GLYATL1B: variants seen among roughly 807,000 people sequenced by gnomAD.
The protein encoded by GLYATL1B is glycine-N-acyltransferase like 1B.
In GLYATL1B, 6 loss-of-function variants were observed where a neutral mutation model predicts 5.5. The observed-to-expected ratio is 1.09, with a 90% CI of 0.60 to 2.15. The LOEUF (loss-of-function observed/expected upper bound fraction) is 2.15, where lower values mean the gene tolerates loss of function less well. Ranked by LOEUF, GLYATL1B falls within the 30% of genes most tolerant of loss-of-function variation. The pLI, the probability that GLYATL1B is intolerant of heterozygous loss-of-function variation, is 0.00. For missense variants in GLYATL1B, 135 were observed against 94.1 expected (o/e 1.43, Z -1.80); for synonymous variants, 67 against 34.9 (o/e 1.92, Z -3.24).
intron 2 of GLYATL1B, among the ~76,000 whole-genome samples, chr11:59,092,578 A>G (rs531246945): frequency 1.6e-4 from 24 of 152,192 alleles, no homozygotes; most frequent in Non-Finnish European, 2.6e-4. Flanking sequence ...ACTCCTTAAC[A>G]ATACAATTTT....
At chr11:59,093,291 G>T (rs189966709) in intron 2 of GLYATL1B, among the ~76,000 whole-genome samples, 176 of 152,312 alleles carry the variant, frequency 1.2e-3, no homozygotes, top group Non-Finnish European at 2.1e-3. Flanking sequence ...ATGTATCTGA[G>T]AAGCAGGTTT....
chr11:59,089,880 T>G (rs113584647), intron 2 of GLYATL1B, among the ~76,000 whole-genome samples: 2,062 of 152,222 alleles, frequency 0.014, 38 homozygotes, highest in African/African-American at 0.047. Context: ...AGTTTTTTTG[T>G]TAATAATTAG....
At chr11:59,090,758 C>T (rs903909592) in intron 2 of GLYATL1B, among the ~76,000 whole-genome samples, 4 of 151,886 alleles carry the variant, frequency 2.6e-5, no homozygotes, top group Non-Finnish European at 4.4e-5. Flanking sequence ...TGCTTCTTTG[C>T]CAATATTTGT....
intron 2 of GLYATL1B, among the ~76,000 whole-genome samples, chr11:59,089,805 G>A (rs11602771): frequency 0.027 from 4,077 of 152,134 alleles, 81 homozygotes; most frequent in Middle Eastern, 0.054. Context: ...TTCACATGAA[G>A]CAATTTTTAA....
chr11:59,087,592 C>T (rs994534544), intron 2 of GLYATL1B, among the ~76,000 whole-genome samples: 8 of 152,248 alleles, frequency 5.3e-5, no homozygotes, highest in Non-Finnish European at 5.9e-5. Context: ...TATCTGTAAT[C>T]CCAGCACTTT....
intron 2 of GLYATL1B, among the ~76,000 whole-genome samples, chr11:59,088,834 A>G (rs1859247685): frequency 1.3e-5 from 2 of 152,350 alleles, no homozygotes; most frequent in South Asian, 2.1e-4. Flanking sequence ...GTCTGATTCC[A>G]TAGTATACCA....
rs1279649518 is a variant in GLYATL1B at position 59,093,991 on chromosome 11, A to G, written c.371A>G (p.Lys124Arg). The change falls in exon 4 of 5, where the codon AAG becomes AGG. Residue 124 changes from lysine (K) to arginine (R), a missense_variant. Transcript: ENST00000527482. ...GCAGCTGCATTTTCAAATTCAGTGA[A>G]GGTAGAGCATTCGAGAGCACTCCTC... Reference protein sequence around the residue: ...IRAAAFSNSVKVEHSRALLFV... With the variant: ...IRAAAFSNSVRVEHSRALLFV... The G allele has an allele frequency of 8.4e-6, 6 of 718,386 alleles. No individual in the cohort carries two copies. The highest frequency in any genetic ancestry group is 4.8e-5 in the South Asian group (3 of 62,084). 44.5% of individuals were successfully genotyped at this position (718,386 alleles called of 1,614,324 possible).
intron 1 of GLYATL1B, 32 bp from the exon 2 acceptor site, chr11:59,087,032 G>A (rs2849748): frequency 0.016 from 9,169 of 588,998 alleles, 472 homozygotes; most frequent in African/African-American, 0.13. Context: ...GGGGATCTCA[G>A]CCTCTCCTAT....
chr11:59,091,918 G>A (rs571822046), intron 2 of GLYATL1B, among the ~76,000 whole-genome samples: 101 of 152,276 alleles, frequency 6.6e-4, no homozygotes, highest in African/African-American at 2.3e-3. Flanking sequence ...GTAGCAACAC[G>A]GATGGAGCTG....
At chr11:59,090,754 T>G (rs1859291158) in intron 2 of GLYATL1B, among the ~76,000 whole-genome samples, 1 of 152,092 alleles carries the variant, frequency 6.6e-6, no homozygotes, top group Non-Finnish European at 1.5e-5. Flanking sequence ...TTGCTGCTTC[T>G]TTGCCAATAT....
chr11:59,088,372 C>A (rs1349636245), intron 2 of GLYATL1B, among the ~76,000 whole-genome samples: 1 of 152,132 alleles, frequency 6.6e-6, no homozygotes, highest in African/African-American at 2.4e-5. Context: ...GTTTCATGCA[C>A]ATCTGATTAG....
intron 2 of GLYATL1B, among the ~76,000 whole-genome samples, chr11:59,092,079 T>C (rs1859324905): frequency 6.6e-6 from 1 of 152,220 alleles, no homozygotes; most frequent in Admixed American, 6.5e-5. Flanking sequence ...TCAGTGAATA[T>C]GTTGCCTTGG....
rs585710 is a variant in GLYATL1B, at chr11:59,094,235, G to A, written c.491+124G>A. On this transcript the variant is annotated intron_variant, in intron 4 of 4. Transcript: ENST00000527482. ...TCCTTGGGATGAATAAAGGTTGTCA[G>A]TGGTCAAAATACGCCACTTTGCAAT... is the stretch of plus-strand genomic sequence containing the variant. 778 of 495,190 alleles carry A rather than the reference G, an allele frequency of 1.6e-3. 3 individuals are homozygous for A. The East Asian group carries it at 0.017, about 11-fold the overall frequency. 30.7% of individuals were successfully genotyped at this position (495,190 alleles called of 1,614,324 possible). A position where few individuals can be genotyped will look rare whatever the true frequency, so the allele number is the denominator to read the frequency against.
At chr11:59,092,302 T>C (rs1248913884) in intron 2 of GLYATL1B, among the ~76,000 whole-genome samples, 1 of 152,148 alleles carries the variant, frequency 6.6e-6, no homozygotes. Flanking sequence ...CTGTGTCTTG[T>C]TCTACATTTC....
intron 1 of GLYATL1B, among the ~76,000 whole-genome samples, chr11:59,086,723 G>C (rs1344273996): frequency 7.9e-5 from 12 of 152,046 alleles, no homozygotes; most frequent in Non-Finnish European, 2.9e-5. Context: ...CTTTACGTTT[G>C]GTCTTTTCAT....
intron 2 of GLYATL1B, among the ~76,000 whole-genome samples, chr11:59,088,859 T>C (rs1213663040): frequency 2.0e-5 from 3 of 152,230 alleles, no homozygotes; most frequent in Non-Finnish European, 4.4e-5. Flanking sequence ...TCTTTCAGTA[T>C]TGAAAATCAA....
At chr11:59,086,720 T>C (rs1590869458) in intron 1 of GLYATL1B, among the ~76,000 whole-genome samples, 1 of 152,170 alleles carries the variant, frequency 6.6e-6, no homozygotes, top group African/African-American at 2.4e-5. Flanking sequence ...TTTCTTTACG[T>C]TTGGTCTTTT....
chr11:59,090,124 C>A (rs1193865647), intron 2 of GLYATL1B, among the ~76,000 whole-genome samples: 1 of 152,084 alleles, frequency 6.6e-6, no homozygotes, highest in East Asian at 1.9e-4. Context: ...TGTCATATAA[C>A]TTTTATATAT....
At chr11:59,091,317 T>C (rs538187711) in intron 2 of GLYATL1B, among the ~76,000 whole-genome samples, 97 of 152,320 alleles carry the variant, frequency 6.4e-4, no homozygotes, top group African/African-American at 2.2e-3. Flanking sequence ...TGTAAAATAA[T>C]CTAATTTTGG....
Sources: allele counts gnomAD v4.1 joint callset (sites outside exome capture counted in the v4.1 genomes callset), GRCh38; gene constraint gnomAD v4.1.1; transcripts MANE v1.5; gene names NCBI Gene and HGNC (gene_info 2026-07-23, HGNC 2026-07-21).